The following PDZRN4 variants were observed in gnomAD, a reference collection of about 807,000 sequenced individuals.
PDZRN4 encodes PDZ domain containing ring finger 4, also known as PDZ domain-containing RING finger protein 4.
PDZRN4 carries 70 observed loss-of-function variants against 99.0 expected under a neutral mutation model. The observed-to-expected ratio is 0.71, with a 90% CI of 0.58 to 0.86. PDZRN4 has a LOEUF of 0.86. PDZRN4 is among the 40% of genes least tolerant of loss of function. The pLI is 0.00. For synonymous variants in PDZRN4, 551 were observed against 501.6 expected, an observed-to-expected ratio of 1.10 and a Z score of -1.32; for missense variants, 1,474 against 1,331.2, an observed-to-expected ratio of 1.11 and a Z score of -1.67.
At chr12:41,535,452 T>A (rs1483121592) in intron 5 of PDZRN4, among the ~76,000 whole-genome samples, 1 of 152,240 alleles carries the variant, frequency 6.6e-6, no homozygotes, top group African/African-American at 2.4e-5. Flanking sequence ...TGCAAACTTC[T>A]GTGAGGTTTC....
rs578090950 is a variant in PDZRN4, at chr12:41,494,163, A to T, written c.844-12293A>T. On this transcript the variant is annotated intron_variant, in intron 3 of 9. Coordinates refer to ENST00000402685, the MANE Select transcript of PDZRN4 (RefSeq NM_001164595.2). ...CAATTCACCACTTAATTGTAATCTTATGAACTACTTACTGTATTTACTAAA... is the reference window on the plus strand; with the variant it reads ...CAATTCACCACTTAATTGTAATCTTTTGAACTACTTACTGTATTTACTAAA... Among the ~76,000 whole-genome samples the T allele has an allele frequency of 2.0e-5, 3 of 152,192 alleles. No individual in the cohort carries two copies. In the East Asian group the frequency reaches 5.8e-4, roughly 29 times the overall value.
intron 3 of PDZRN4, among the ~76,000 whole-genome samples, chr12:41,435,644 C>G (rs1592058424): frequency 6.6e-6 from 1 of 152,122 alleles, no homozygotes; most frequent in East Asian, 1.9e-4. Flanking sequence ...AAAAATTAGC[C>G]AGGCATGGTG....
intron 3 of PDZRN4, among the ~76,000 whole-genome samples, chr12:41,491,140 A>G (rs1937878291): frequency 6.6e-6 from 1 of 152,110 alleles, no homozygotes; most frequent in African/African-American, 2.4e-5. Flanking sequence ...TTATCCCAAT[A>G]TGTGAGTCCT....
rs778691874 is a variant in PDZRN4, at chr12:41,411,069, T to A, written c.844-95387T>A. Among the ~76,000 whole-genome samples the A allele has an allele frequency of 5.1e-3, 592 of 115,674 alleles. 1 individual carries two copies. The highest frequency in any genetic ancestry group is 0.013 in the African/African-American group (408 of 30,678). 75.9% of individuals were successfully genotyped at this position (115,674 alleles called of 152,430 possible). On this transcript the variant is annotated intron_variant, in intron 3 of 9. Transcript: ENST00000402685. ...TTAAAATATATATATATATATATAT[T>A]TTTTTTTTATTTGTAAAGATAGTGT...
chr12:41,382,833 C>T (rs919527498), intron 3 of PDZRN4, among the ~76,000 whole-genome samples: 1 of 152,196 alleles, frequency 6.6e-6, no homozygotes, highest in Non-Finnish European at 1.5e-5. Context: ...AGGGCTACTA[C>T]TAAAGAATAC....
chr12:41,395,606 A>G (rs866600198), intron 3 of PDZRN4, among the ~76,000 whole-genome samples: 4 of 152,180 alleles, frequency 2.6e-5, no homozygotes, highest in Admixed American at 1.3e-4. Context: ...ATGTGTATAC[A>G]TTTATAATTC....
intron 3 of PDZRN4, among the ~76,000 whole-genome samples, chr12:41,300,175 A>G (rs1461417271): frequency 6.6e-6 from 1 of 151,992 alleles, no homozygotes; most frequent in Non-Finnish European, 1.5e-5. Context: ...GCAGTGTTAC[A>G]TTGCTTTTGC....
intron 3 of PDZRN4, among the ~76,000 whole-genome samples, chr12:41,220,512 C>G (rs1566370210): frequency 6.6e-6 from 1 of 152,106 alleles, no homozygotes; most frequent in Non-Finnish European, 1.5e-5. Flanking sequence ...GAAGAGAATC[C>G]TCACTACTTA....
intron 3 of PDZRN4, among the ~76,000 whole-genome samples, chr12:41,403,814 C>T (rs1446039126): frequency 6.6e-6 from 1 of 152,046 alleles, no homozygotes; most frequent in Non-Finnish European, 1.5e-5. Flanking sequence ...TAGTACCAGG[C>T]ATATGAAATG....
intron 3 of PDZRN4, among the ~76,000 whole-genome samples, chr12:41,339,686 T>G (rs964154353): frequency 3.6e-4 from 55 of 151,938 alleles, no homozygotes; most frequent in Admixed American, 3.6e-3. Context: ...GACAAGGAAT[T>G]AATAGGCAGA....
chr12:41,246,784 C>A (rs1345486702), intron 3 of PDZRN4, among the ~76,000 whole-genome samples: 1 of 152,128 alleles, frequency 6.6e-6, no homozygotes, highest in South Asian at 2.1e-4. Flanking sequence ...ACTAATGAGT[C>A]CTGTTATGCC....
chr12:41,496,680 T>C (rs1938010731), intron 3 of PDZRN4, among the ~76,000 whole-genome samples: 1 of 152,138 alleles, frequency 6.6e-6, no homozygotes, highest in South Asian at 2.1e-4. Context: ...AGAATGGAGC[T>C]GGGAAGTGAA....
intron 3 of PDZRN4, among the ~76,000 whole-genome samples, chr12:41,350,659 A>C (rs1951883376): frequency 6.6e-6 from 1 of 152,152 alleles, no homozygotes; most frequent in East Asian, 1.9e-4. Context: ...AATGAAATAT[A>C]ATGCATAGTT....
intron 3 of PDZRN4, among the ~76,000 whole-genome samples, chr12:41,226,674 T>C (rs1267918244): frequency 1.3e-5 from 2 of 152,170 alleles, no homozygotes; most frequent in Non-Finnish European, 2.9e-5. Context: ...ATAAAAAATG[T>C]GTGTGGCTTA....
At chr12:41,303,138 G>A (rs77574206) in intron 3 of PDZRN4, among the ~76,000 whole-genome samples, 1 of 152,230 alleles carries the variant, frequency 6.6e-6, no homozygotes, top group East Asian at 1.9e-4. Context: ...GCAGGATAAA[G>A]ACGGTCTTCA....
chr12:41,203,248 C>A (rs183497784), intron 3 of PDZRN4, among the ~76,000 whole-genome samples: 2 of 151,864 alleles, frequency 1.3e-5, no homozygotes, highest in Non-Finnish European at 2.9e-5. Flanking sequence ...ACAACAACAA[C>A]AAAAGGAACA....
intron 5 of PDZRN4, among the ~76,000 whole-genome samples, chr12:41,510,568 A>G (rs953646397): frequency 1.3e-5 from 2 of 152,164 alleles, no homozygotes; most frequent in Non-Finnish European, 1.5e-5. Context: ...CAGCCTGAAT[A>G]TCTTTGAAAG....
intron 3 of PDZRN4, among the ~76,000 whole-genome samples, chr12:41,301,530 G>T (rs879656773): frequency 6.6e-6 from 1 of 151,752 alleles, no homozygotes; most frequent in Non-Finnish European, 1.5e-5. Context: ...CACATTATTG[G>T]GATTCTATGT....
intron 3 of PDZRN4, among the ~76,000 whole-genome samples, chr12:41,305,871 C>A (rs1420490906): frequency 6.6e-6 from 1 of 152,128 alleles, no homozygotes; most frequent in African/African-American, 2.4e-5. Flanking sequence ...AGTCTAAAGT[C>A]CAGAGTCTCA....
Sources: allele counts gnomAD v4.1 joint callset (sites outside exome capture counted in the v4.1 genomes callset), GRCh38; gene constraint gnomAD v4.1.1; transcripts MANE v1.5; gene names NCBI Gene and HGNC (gene_info 2026-07-23, HGNC 2026-07-21).